The following IL1RL1 variants were observed in gnomAD, a reference collection of about 807,000 sequenced individuals.
IL1RL1 encodes the protein interleukin-1 receptor-like 1.
A neutral mutation model predicts 50.9 loss-of-function variants in IL1RL1; 32 were observed. The ratio of observed to expected loss-of-function variants is 0.63; its 90% CI spans 0.47 to 0.84. The LOEUF (loss-of-function observed/expected upper bound fraction) is 0.84, where lower values mean the gene tolerates loss of function less well. IL1RL1 is among the 40% of genes least tolerant of loss of function. The pLI is 0.00. For synonymous variants in IL1RL1, 275 were observed against 236.0 expected (o/e 1.17, Z -1.51); for missense variants, 773 against 662.9 (o/e 1.17, Z -1.82).
intron 1 of IL1RL1, among the ~76,000 whole-genome samples, chr2:102,315,718 G>A (rs1050258179): frequency 2.6e-5 from 4 of 152,120 alleles, no homozygotes; most frequent in African/African-American, 4.8e-5. Context: ...GCCAGATCAC[G>A]AACGTACACA....
intron 1 of IL1RL1, among the ~76,000 whole-genome samples, chr2:102,333,200 A>C (rs895899992): frequency 2.0e-5 from 3 of 152,134 alleles, no homozygotes; most frequent in African/African-American, 7.2e-5. Context: ...TATACTTAAG[A>C]GGGTACAAGT....
At chr2:102,338,527 G>A (rs1028324330) in intron 2 of IL1RL1, among the ~76,000 whole-genome samples, 1 of 152,112 alleles carries the variant, frequency 6.6e-6, no homozygotes, top group East Asian at 1.9e-4. Context: ...GTTTGGCTTT[G>A]CATATTCAAA....
chr2:102,338,822 A>G lies in IL1RL1; in HGVS notation c.62-15A>G, dbSNP rs149858084. On this transcript the variant is annotated splice_polypyrimidine_tract_variant and intron_variant, in intron 2 of 10. Coordinates refer to ENST00000233954, the MANE Select transcript of IL1RL1 (RefSeq NM_016232.5). Reference sequence around the variant, plus strand: ...TTGATCATTTCAGGATTGTCTTTATATCTTTTATTTGCAGGTAAACAATCA... The same window carrying G: ...TTGATCATTTCAGGATTGTCTTTATGTCTTTTATTTGCAGGTAAACAATCA... 1.2e-5 allele frequency: 18 copies of G among 1,561,050 alleles called. No individual in the cohort carries two copies. The East Asian group carries it at 3.4e-4, about 29-fold the overall frequency.
chr2:102,328,203 A>T (rs536629166), intron 1 of IL1RL1, among the ~76,000 whole-genome samples: 2 of 152,360 alleles, frequency 1.3e-5, no homozygotes, highest in African/African-American at 4.8e-5. Flanking sequence ...GGTTCAACAT[A>T]CACAAATCGA....
At chr2:102,336,167 A>G (rs1483773122) in intron 1 of IL1RL1, among the ~76,000 whole-genome samples, 1 of 152,200 alleles carries the variant, frequency 6.6e-6, no homozygotes, top group African/African-American at 2.4e-5. Context: ...ACCTTCCACA[A>G]GCAGTGGCAG....
intron 8 of IL1RL1, chr2:102,344,089 T>G: frequency 4.9e-6 from 1 of 206,148 alleles, no homozygotes; most frequent in African/African-American, 2.4e-5. Context: ...GGAGCTTTAC[T>G]CATGGCAGAA....
Position 102,340,163 on chromosome 2 carries a change from T to A in IL1RL1, c.338T>A (p.Val113Asp). ...TIYKKQSDCN[V>D]PDYLMYSTVS... ...TATAAAAAACAATCAGATTGCAATG[T>A]TCCAGATTATTTGATGTATTCAACA... The change falls in exon 4 of 11, where the codon GTT becomes GAT. Residue 113 changes from valine to aspartate, a missense_variant. Transcript: ENST00000233954. The A allele has an allele frequency of 6.3e-7, 1 of 1,598,232 alleles. No individual in the cohort carries two copies. The highest frequency in any genetic ancestry group is 8.5e-7 in the Non-Finnish European group (1 of 1,171,912).
At chr2:102,328,055 A>G (rs1452541264) in intron 1 of IL1RL1, among the ~76,000 whole-genome samples, 1 of 152,204 alleles carries the variant, frequency 6.6e-6, no homozygotes, top group Non-Finnish European at 1.5e-5. Context: ...ACAACAAAAA[A>G]AGAGAATTTT....
At position 102,342,289 on chromosome 2, in the gene IL1RL1, A is replaced by G; in HGVS notation, c.677A>G (p.Glu226Gly). 6.2e-7 allele frequency: 1 copy of G among 1,604,322 alleles called. No homozygotes were observed. Among genetic ancestry groups the G allele is most frequent in the Non-Finnish European group, 8.5e-7 (1 of 1,171,356 alleles). ...APAQNEIKEV[E>G]IGKNANLTCS... ...GCACAAAATGAAATAAAGGAAGTGGAAATTGGTAAGAAAATTTATCAGAAT... is the reference window on the plus strand; with the variant it reads ...GCACAAAATGAAATAAAGGAAGTGGGAATTGGTAAGAAAATTTATCAGAAT... The change falls in exon 6 of 11, where the codon GAA (glutamate) becomes GGA (glycine). Residue 226 changes from glutamate (E) to glycine (G), a missense_variant. Coordinates refer to ENST00000233954, the MANE Select transcript of IL1RL1 (RefSeq NM_016232.5).
intron 1 of IL1RL1, among the ~76,000 whole-genome samples, chr2:102,328,197 C>T (rs1291450764): frequency 2.0e-5 from 3 of 152,176 alleles, no homozygotes; most frequent in Non-Finnish European, 4.4e-5. Flanking sequence ...AAGGCTGGTT[C>T]AACATACACA....
chr2:102,330,686 G>A (rs946836061), intron 1 of IL1RL1, among the ~76,000 whole-genome samples: 2 of 152,152 alleles, frequency 1.3e-5, no homozygotes, highest in African/African-American at 4.8e-5. Context: ...AGTTATTTAT[G>A]AAGTATAGAT....
chr2:102,345,027 T>C, intron 8 of IL1RL1: 2 of 950,422 alleles, frequency 2.1e-6, no homozygotes, highest in Non-Finnish European at 2.5e-6. Context: ...ATATAAATAA[T>C]TGGTGGCATC....
intron 1 of IL1RL1, among the ~76,000 whole-genome samples, chr2:102,333,707 C>T (rs1195630880): frequency 6.6e-6 from 1 of 151,768 alleles, no homozygotes; most frequent in East Asian, 1.9e-4. Flanking sequence ...AATATTGTAC[C>T]CAGTAGGTAA....
At chr2:102,319,259 A>T (rs1280638730) in intron 1 of IL1RL1, among the ~76,000 whole-genome samples, 1 of 152,148 alleles carries the variant, frequency 6.6e-6, no homozygotes, top group East Asian at 1.9e-4. Context: ...AATGCTATAT[A>T]ATCACAAATA....
At position 102,346,526 on chromosome 2, in the gene IL1RL1, C is replaced by T. The variant is rs146302567; in HGVS notation, c.971-1419C>T. On this transcript the variant is annotated intron_variant, in intron 8 of 10. Coordinates refer to ENST00000233954, the MANE Select transcript of IL1RL1 (RefSeq NM_016232.5). ...GATGTCTTGGATCAACTTCTTTCCT[C>T]TACTTGGAAGCGTCCAGCCAATGGC... 3.9e-4 allele frequency among the ~76,000 whole-genome samples: 59 copies of T among 152,316 alleles called. 1 individual carries two copies. In the East Asian group the frequency reaches 0.011, roughly 28 times the overall value.
intron 1 of IL1RL1, among the ~76,000 whole-genome samples, chr2:102,314,012 C>A (rs140391154): frequency 6.6e-6 from 1 of 152,274 alleles, no homozygotes; most frequent in African/African-American, 2.4e-5. Context: ...GGGGCTGAGG[C>A]CTTGGCTCAG....
rs1677350437 is a variant in IL1RL1 at position 102,337,010 on chromosome 2, G to T, written c.-149-1106G>T. The T allele has an allele frequency of 2.0e-5, 3 of 152,144 alleles. No homozygotes were observed. The South Asian group carries it at 6.2e-4, about 32-fold the overall frequency. 9.4% of individuals were successfully genotyped at this position (152,144 alleles called of 1,614,324 possible). A position where few individuals can be genotyped will look rare whatever the true frequency, so the allele number is the denominator to read the frequency against. ...AAAGTGTCCCAATATCGGGGTACAG[G>T]CAATAAGCATTAGTTATTAATCAGC... On this transcript the variant is annotated intron_variant, in intron 1 of 10. Transcript: ENST00000233954.
intron 1 of IL1RL1, among the ~76,000 whole-genome samples, chr2:102,331,173 A>G (rs113297325): frequency 6.6e-5 from 10 of 152,292 alleles, no homozygotes; most frequent in African/African-American, 2.4e-4. Flanking sequence ...AGGTTGTGTA[A>G]GTTCTCTGAC....
intron 10 of IL1RL1, 87 bp from the exon 11 acceptor site, chr2:102,351,448 TA>T: frequency 8.3e-7 from 1 of 1,205,482 alleles, no homozygotes; most frequent in South Asian, 1.5e-5. Flanking sequence ...CACACCAGAT[TA>T]TAACAATAAG....
Sources: allele counts gnomAD v4.1 joint callset (sites outside exome capture counted in the v4.1 genomes callset), GRCh38; gene constraint gnomAD v4.1.1; transcripts MANE v1.5; gene names NCBI Gene and HGNC (gene_info 2026-07-23, HGNC 2026-07-21).